The following ARHGAP12 variants were observed in gnomAD, a reference collection of about 807,000 sequenced individuals.
ARHGAP12 encodes the protein rho GTPase-activating protein 12.
Under a neutral mutation model 108.6 loss-of-function variants are expected in ARHGAP12, and 64 were observed. The observed-to-expected ratio is 0.59, with a 90% CI of 0.48 to 0.73. The LOEUF is 0.73. ARHGAP12 is among the 30% of genes least tolerant of loss of function. ARHGAP12 has a pLI of 0.00. For missense variants in ARHGAP12, 940 were observed against 1,005.9 expected (o/e 0.93, Z 0.89); for synonymous variants, 312 against 337.2 (o/e 0.93, Z 0.82).
chr10:31,842,237 G>C (rs148932724), intron 7 of ARHGAP12, among the ~76,000 whole-genome samples: 1 of 152,050 alleles, frequency 6.6e-6, no homozygotes. Context: ...GTTTGACTTA[G>C]AACAGTATAT....
At chr10:31,890,171 A>AC (rs1838360975) in intron 3 of ARHGAP12, among the ~76,000 whole-genome samples, 1 of 152,152 alleles carries the variant, frequency 6.6e-6, no homozygotes, top group Admixed American at 6.5e-5. Context: ...TAAATGGTTC[A>AC]CCCAAGGATC....
intron 3 of ARHGAP12, among the ~76,000 whole-genome samples, chr10:31,889,245 A>G (rs1318643760): frequency 6.6e-6 from 1 of 152,220 alleles, no homozygotes; most frequent in African/African-American, 2.4e-5. Context: ...TAGGTTATAC[A>G]TTCTAGGCAA....
intron 10 of ARHGAP12, among the ~76,000 whole-genome samples, chr10:31,827,875 T>G (rs1474231335): frequency 1.3e-5 from 2 of 152,114 alleles, no homozygotes; most frequent in African/African-American, 2.4e-5. Context: ...TTAATATCTA[T>G]CAATAAGACT....
chr10:31,914,807 T>G (rs895585022), intron 1 of ARHGAP12, among the ~76,000 whole-genome samples: 13 of 152,128 alleles, frequency 8.5e-5, no homozygotes, highest in Non-Finnish European at 7.4e-5. Flanking sequence ...TCTAAGGAAA[T>G]GAAATCAGTA....
intron 11 of ARHGAP12, among the ~76,000 whole-genome samples, chr10:31,823,784 T>A (rs570616507): frequency 6.6e-6 from 1 of 152,338 alleles, no homozygotes; most frequent in East Asian, 1.9e-4. Context: ...TCAGCTTCTG[T>A]ATAGCATCTT....
At chr10:31,896,042 G>C (rs1334405672) in intron 3 of ARHGAP12, among the ~76,000 whole-genome samples, 3 of 151,458 alleles carry the variant, frequency 2.0e-5, no homozygotes, top group African/African-American at 7.3e-5. Flanking sequence ...TGAACAATGA[G>C]AACACTTGGA....
chr10:31,879,702 T>G (rs1367820263), intron 3 of ARHGAP12, among the ~76,000 whole-genome samples: 1 of 152,176 alleles, frequency 6.6e-6, no homozygotes, highest in Non-Finnish European at 1.5e-5. Flanking sequence ...GGCTCTAGTA[T>G]TTTAAAAAAA....
intron 3 of ARHGAP12, among the ~76,000 whole-genome samples, chr10:31,898,093 C>T (rs1314500541): frequency 6.6e-6 from 1 of 152,110 alleles, no homozygotes; most frequent in Non-Finnish European, 1.5e-5. Context: ...CACTGCACTC[C>T]ATCCTGGGCA....
Position 31,843,384 on chromosome 10 carries a change from A to G in ARHGAP12, c.1296+77T>C, listed in dbSNP as rs146531911. The G allele has an allele frequency of 1.5e-4, 217 of 1,415,352 alleles. 1 individual carries two copies. The East Asian group carries it at 5.2e-3, about 34-fold the overall frequency. The allele number at this position is 1,415,352 out of a possible 1,614,324, so 87.7% of individuals were successfully genotyped here. A position where few individuals can be genotyped will look rare whatever the true frequency, so the allele number is the denominator to read the frequency against. On this transcript the variant is annotated intron_variant, in intron 7 of 19. Coordinates refer to ENST00000344936, the MANE Select transcript of ARHGAP12 (RefSeq NM_018287.7). ...AGCAAAGAATATTTACTAAATACAT[A>G]AAATATTAGTACGAATAGTTACAAT... is the stretch of plus-strand genomic sequence containing the variant.
At chr10:31,831,679 G>A in intron 10 of ARHGAP12, 60 bp downstream of exon 10, 1 of 1,169,170 alleles carries the variant, frequency 8.6e-7, no homozygotes, top group South Asian at 1.5e-5. Flanking sequence ...TAATTATATT[G>A]AGAATTTTTA....
At chr10:31,828,803 A>G (rs754154118) in intron 10 of ARHGAP12, among the ~76,000 whole-genome samples, 25 of 152,188 alleles carry the variant, frequency 1.6e-4, no homozygotes, top group Admixed American at 7.9e-4. Flanking sequence ...TTAAAAATAA[A>G]TGAAGTTTTC....
intron 3 of ARHGAP12, among the ~76,000 whole-genome samples, chr10:31,899,344 T>C (rs958740789): frequency 1.3e-5 from 2 of 152,146 alleles, no homozygotes; most frequent in African/African-American, 4.8e-5. Context: ...CCAATTCCAA[T>C]CAAAATCCCA....
Position 31,817,849 on chromosome 10 carries a change from G to A in ARHGAP12, c.1670C>T (p.Ser557Phe), listed in dbSNP as rs760320826. 4 of 1,612,294 alleles carry A rather than the reference G, an allele frequency of 2.5e-6. No homozygotes were observed. The South Asian group carries it at 4.4e-5, about 18-fold the overall frequency. The part of the protein sequence containing the change: ...TRQGTELLIQ[S>F]DNDTVINDWF... ...ATCATTAATAACAGTGTCATTGTCA[G>A]ACTGAATTAGCAGTTCTGTTCCTTG... Residue 557 changes from serine to phenylalanine, a missense_variant, in exon 13 of 20, where the codon TCT becomes TTT. Ser to Phe is a radical substitution (Grantham distance 155). Coordinates refer to ENST00000344936, the MANE Select transcript of ARHGAP12 (RefSeq NM_018287.7).
At chr10:31,871,124 G>T (rs975955629) in intron 3 of ARHGAP12, among the ~76,000 whole-genome samples, 1 of 152,176 alleles carries the variant, frequency 6.6e-6, no homozygotes, top group Admixed American at 6.5e-5. Flanking sequence ...TTTCACAACA[G>T]ATGTTTAACA....
chr10:31,901,880 C>G (rs1411893485), intron 3 of ARHGAP12, among the ~76,000 whole-genome samples: 3 of 152,150 alleles, frequency 2.0e-5, no homozygotes, highest in Non-Finnish European at 4.4e-5. Flanking sequence ...ACATAGCCTT[C>G]TGTGTGTGCA....
At chr10:31,865,265 A>T (rs766883783) in intron 3 of ARHGAP12, among the ~76,000 whole-genome samples, 7 of 152,198 alleles carry the variant, frequency 4.6e-5, no homozygotes, top group Non-Finnish European at 8.8e-5. Flanking sequence ...AGGTTGGTAC[A>T]GTAGTACAGA....
At position 31,861,465 on chromosome 10, in the gene ARHGAP12, C is replaced by T; in HGVS notation, c.878G>A (p.Trp293Ter). ...YYNRGTQERT[W>*]KPPRWTRDAS... ...ATCCCGAGTCCAACGAGGAGGTTTCCAAGTTCTTTCCTGTGTCCCTCTGTT... is the reference window on the plus strand; with the variant it reads ...ATCCCGAGTCCAACGAGGAGGTTTCTAAGTTCTTTCCTGTGTCCCTCTGTT... Residue 293 changes from tryptophan (W) to a stop codon, truncating the protein, a stop_gained, in exon 4 of 20, where the codon TGG becomes TAG. Transcript: ENST00000344936. LOFTEE classifies it high-confidence loss of function. The T allele has an allele frequency of 6.2e-7, 1 of 1,614,128 alleles. No individual in the cohort carries two copies. Among genetic ancestry groups the T allele is most frequent in the Non-Finnish European group, 8.5e-7 (1 of 1,180,014 alleles).
Position 31,890,296 on chromosome 10 carries a change from C to G in ARHGAP12, c.684+17876G>C, listed in dbSNP as rs60143743. ...AAAATAAGCAACAATTATACTAGTGCTCAAAGAGACAAATAATTCCAACCT... is the reference window on the plus strand; with the variant it reads ...AAAATAAGCAACAATTATACTAGTGGTCAAAGAGACAAATAATTCCAACCT... On this transcript the variant is annotated intron_variant, in intron 3 of 19. Transcript: ENST00000344936. 2.1e-4 allele frequency among the ~76,000 whole-genome samples: 32 copies of G among 152,266 alleles called. No homozygotes were observed. The East Asian group carries it at 5.4e-3, about 26-fold the overall frequency.
chr10:31,843,153 C>T (rs991963395), intron 7 of ARHGAP12, among the ~76,000 whole-genome samples: 1 of 152,072 alleles, frequency 6.6e-6, no homozygotes, highest in Non-Finnish European at 1.5e-5. Context: ...AAGGTACACA[C>T]ATCAGTAAGC....
Sources: allele counts gnomAD v4.1 joint callset (sites outside exome capture counted in the v4.1 genomes callset), GRCh38; gene constraint gnomAD v4.1.1; transcripts MANE v1.5; gene names NCBI Gene and HGNC (gene_info 2026-07-23, HGNC 2026-07-21).